TLK2: variants seen among roughly 807,000 people sequenced by gnomAD.
TLK2 encodes the protein serine/threonine-protein kinase tousled-like 2.
In TLK2, 6 loss-of-function variants were observed where a neutral mutation model predicts 117.3. That is an observed-to-expected ratio of 0.05 (90% confidence interval 0.03 to 0.10). The LOEUF (loss-of-function observed/expected upper bound fraction) is 0.10. TLK2 is among the 10% of genes least tolerant of loss of function. The pLI, the probability that TLK2 is intolerant of heterozygous loss-of-function variation, is 1.00. For missense variants in TLK2, 299 were observed against 901.2 expected (o/e 0.33, Z 8.56); for synonymous variants, 257 against 316.7 (o/e 0.81, Z 2.00).
At position 62,483,392 on chromosome 17, in the gene TLK2, G is replaced by A. The variant is rs564095363; in HGVS notation, c.81+2186G>A. ...CTGTCTAGACCCAACTTAAAGTCAT[G>A]TAACTAAGGTATCAGAAAACTTTAA... On this transcript the variant is annotated intron_variant, in intron 2 of 21. Coordinates refer to ENST00000346027, the MANE Select transcript of TLK2 (RefSeq NM_006852.6). 1.4e-3 allele frequency among the ~76,000 whole-genome samples: 219 copies of A among 152,342 alleles called. 1 individual carries two copies. Among genetic ancestry groups the A allele is most frequent in the African/African-American group, 5.1e-3 (211 of 41,576 alleles).
At chr17:62,490,705 C>G (rs1200785403) in intron 2 of TLK2, among the ~76,000 whole-genome samples, 3 of 152,048 alleles carry the variant, frequency 2.0e-5, no homozygotes, top group Non-Finnish European at 4.4e-5. Context: ...CCGCACGCAG[C>G]TAATTTTTGT....
At chr17:62,612,092 G>C in intron 21 of TLK2, 1 of 213,792 alleles carries the variant, frequency 4.7e-6, no homozygotes, top group Non-Finnish European at 9.1e-6. Flanking sequence ...TTTTTCTGTT[G>C]GTCTTAGTGC....
intron 2 of TLK2, among the ~76,000 whole-genome samples, chr17:62,509,870 G>A (rs1305523756): frequency 2.0e-5 from 3 of 152,212 alleles, no homozygotes; most frequent in African/African-American, 7.2e-5. Context: ...CAGTGTTGAA[G>A]GCACCATCTT....
chr17:62,505,468 G>A (rs150318396), intron 2 of TLK2, among the ~76,000 whole-genome samples: 1,470 of 123,522 alleles, frequency 0.012, 30 homozygotes, highest in African/African-American at 0.043. Context: ...TGCTCAAGCT[G>A]TCTTGAAGTC....
At chr17:62,529,927 G>A (rs1031851916) in intron 6 of TLK2, among the ~76,000 whole-genome samples, 2 of 151,972 alleles carry the variant, frequency 1.3e-5, no homozygotes, top group African/African-American at 4.8e-5. Context: ...GGGCGTGGTG[G>A]TTCACGCCTG....
intron 6 of TLK2, among the ~76,000 whole-genome samples, chr17:62,527,957 G>T (rs1326410743): frequency 6.6e-6 from 1 of 152,024 alleles, no homozygotes; most frequent in East Asian, 1.9e-4. Context: ...TGGCCAGGAT[G>T]GTCTCGATCT....
chr17:62,533,957 A>T (rs192321733), intron 6 of TLK2, among the ~76,000 whole-genome samples: 27 of 152,268 alleles, frequency 1.8e-4, no homozygotes, highest in South Asian at 6.2e-4. Context: ...AGTTCCCGCT[A>T]ATATGAAATG....
chr17:62,593,178 A>G (rs754380189), intron 16 of TLK2, among the ~76,000 whole-genome samples: 5 of 152,310 alleles, frequency 3.3e-5, no homozygotes, highest in Admixed American at 6.5e-5. Context: ...ATATCTAAGC[A>G]TAGAAAAGGT....
At chr17:62,473,959 G>A (rs150971164), upstream of TLK2, among the ~76,000 whole-genome samples, 244 of 152,206 alleles carry the variant, frequency 1.6e-3, 3 homozygotes, top group East Asian at 0.032. Flanking sequence ...ACAATGGTGG[G>A]TTCTCAGCTC....
At chr17:62,514,148 A>ATT (rs750088077) in intron 2 of TLK2, among the ~76,000 whole-genome samples, 1 of 144,804 alleles carries the variant, frequency 6.9e-6, no homozygotes, top group Non-Finnish European at 1.5e-5. Flanking sequence ...ATAAATAATA[A>ATT]TTTTTTTTTT....
intron 7 of TLK2, among the ~76,000 whole-genome samples, chr17:62,540,039 CTCCTCCTCCTCT>C (rs912786823): frequency 2.0e-5 from 3 of 151,658 alleles, no homozygotes; most frequent in Non-Finnish European, 4.4e-5. Context: ...TCTCCTCCTC[CTCCTCCTCCTCT>C]TCCTCTTCTT....
intron 7 of TLK2, among the ~76,000 whole-genome samples, chr17:62,547,150 A>T (rs180767852): frequency 7.0e-4 from 106 of 152,232 alleles, no homozygotes; most frequent in Non-Finnish European, 4.4e-5. Flanking sequence ...CATACTATAA[A>T]CTATTGAAAA....
At chr17:62,561,217 C>A (rs1053570801) in intron 10 of TLK2, among the ~76,000 whole-genome samples, 76 of 152,310 alleles carry the variant, frequency 5.0e-4, no homozygotes, top group Non-Finnish European at 6.9e-4. Flanking sequence ...TTTTCTTAAT[C>A]CAGTCTATCA....
chr17:62,516,475 C>T (rs966669982), intron 2 of TLK2: 52 of 1,603,096 alleles, frequency 3.2e-5, no homozygotes, highest in Middle Eastern at 2.0e-4. Context: ...AGTCTCTGGA[C>T]GGCTACGGCG....
chr17:62,556,064 C>T (rs1361191102), intron 9 of TLK2, among the ~76,000 whole-genome samples: 2 of 152,050 alleles, frequency 1.3e-5, no homozygotes, highest in Non-Finnish European at 2.9e-5. Context: ...ACAGGCATGC[C>T]CCACAATGCC....
In TLK2 at chr17:62,612,445, G is replaced by C. The variant is rs746559284; in HGVS notation, c.2133G>C (p.Gln711His). 1.1e-5 allele frequency: 17 copies of C among 1,614,192 alleles called. No homozygotes were observed. Among genetic ancestry groups the C allele is most frequent in the Non-Finnish European group, 1.4e-5 (17 of 1,180,032 alleles). Residue 711 changes from glutamine (Q) to histidine (H), a missense_variant, in exon 22 of 22, where the codon CAG (glutamine) becomes CAC (histidine). Coordinates refer to ENST00000346027, the MANE Select transcript of TLK2 (RefSeq NM_006852.6). Reference sequence around the variant, plus strand: ...GAAAGGAGGACCGCATTGATGTCCAGCAGCTGGCCTGTGATCCCTACTTGT... The same window carrying C: ...GAAAGGAGGACCGCATTGATGTCCACCAGCTGGCCTGTGATCCCTACTTGT... ...AYRKEDRIDVQQLACDPYLLP... is the reference protein window; with the variant it reads ...AYRKEDRIDVHQLACDPYLLP...
At chr17:62,532,103 C>G (rs1182306189) in intron 6 of TLK2, among the ~76,000 whole-genome samples, 2 of 152,178 alleles carry the variant, frequency 1.3e-5, no homozygotes, top group East Asian at 3.9e-4. Flanking sequence ...TCTTATGTTC[C>G]TAATTTCCCT....
At chr17:62,494,724 G>C (rs968943003) in intron 2 of TLK2, among the ~76,000 whole-genome samples, 6 of 152,280 alleles carry the variant, frequency 3.9e-5, no homozygotes, top group Non-Finnish European at 7.3e-5. Flanking sequence ...GTATAGTCTT[G>C]AGGCATTTAT....
rs776789711 is a variant in TLK2, at chr17:62,524,239, G to C, written c.271G>C (p.Ala91Pro). The C allele has an allele frequency of 6.2e-7, 1 of 1,613,930 alleles. No homozygotes were observed. Among genetic ancestry groups the C allele is most frequent in the Admixed American group, 1.7e-5 (1 of 60,008 alleles). ...GHKISDYFEF[A>P]GGSAPGTSPG... ...TCGGTTTTTCCCTGTTGGCCAGTTT[G>C]CTGGGGGAAGCGCGCCAGGAACCAG... Residue 91 changes from alanine to proline, a missense_variant, in exon 6 of 22, where the codon GCT becomes CCT. By Grantham distance (27) the Ala-to-Pro change is conservative. Coordinates refer to ENST00000346027, the MANE Select transcript of TLK2 (RefSeq NM_006852.6).
Sources: gnomAD v4.1 joint callset for allele counts (sites outside exome capture counted in the v4.1 genomes callset) on GRCh38, gnomAD v4.1.1 for gene constraint, MANE v1.5 for transcripts, NCBI Gene and HGNC (gene_info 2026-07-23, HGNC 2026-07-21) for gene names.